Variants in CD83 observed in about 807,000 individuals in gnomAD.
CD83 encodes the protein CD83 antigen.
A neutral mutation model predicts 24.6 loss-of-function variants in CD83; 22 were observed. The observed-to-expected ratio is 0.90, with a 90% CI of 0.64 to 1.28. CD83 has a LOEUF of 1.28. Ranked by LOEUF, CD83 falls within the 50% of genes most tolerant of loss-of-function variation. CD83 has a pLI of 0.00. For synonymous variants in CD83, 101 were observed against 103.5 expected (o/e 0.98, Z 0.14); for missense variants, 253 against 252.8 (o/e 1.00, Z -0.01).
chr6:14,132,949 G>C (rs913887376), intron 3 of CD83, among the ~76,000 whole-genome samples: 2 of 152,188 alleles, frequency 1.3e-5, no homozygotes, highest in Non-Finnish European at 2.9e-5. Flanking sequence ...GTGGGGAGAG[G>C]CACCTCCCTT....
intron 2 of CD83, among the ~76,000 whole-genome samples, chr6:14,128,970 A>G (rs2113397960): frequency 6.6e-6 from 1 of 152,318 alleles, no homozygotes; most frequent in South Asian, 2.1e-4. Flanking sequence ...TAACACAATA[A>G]TGGGGCCATC....
At chr6:14,130,725 C>G (rs1218206639) in intron 2 of CD83, among the ~76,000 whole-genome samples, 2 of 151,994 alleles carry the variant, frequency 1.3e-5, no homozygotes, top group African/African-American at 4.8e-5. Flanking sequence ...AGAGCGAGAC[C>G]CTGTCTCAAA....
intron 3 of CD83, 69 bp from the exon 4 acceptor site, chr6:14,133,580 T>C: frequency 9.6e-7 from 1 of 1,042,946 alleles, no homozygotes; most frequent in Non-Finnish European, 1.5e-6. Flanking sequence ...GAACAAAGCA[T>C]TCTTAGCTTT....
chr6:14,132,987 G>A (rs1382813524), intron 3 of CD83, among the ~76,000 whole-genome samples: 2 of 152,224 alleles, frequency 1.3e-5, no homozygotes, highest in Non-Finnish European at 2.9e-5. Flanking sequence ...TAAAGGCCTC[G>A]CTGCTCTTAC....
At position 14,129,434 on chromosome 6, in the gene CD83, C is replaced by T. The variant is rs1759896752; in HGVS notation, c.154-2086C>T. 6.6e-6 allele frequency among the ~76,000 whole-genome samples: 1 copy of T among 152,184 alleles called. No homozygotes were observed. Among genetic ancestry groups the T allele is most frequent in the Admixed American group, 6.5e-5 (1 of 15,276 alleles). ...TAGGCTTGAAAAGGGAAAAATGGTGCTAAATTAGATGTGTTCTGGAATCAG... is the reference window on the plus strand; with the variant it reads ...TAGGCTTGAAAAGGGAAAAATGGTGTTAAATTAGATGTGTTCTGGAATCAG... On this transcript the variant is annotated intron_variant, in intron 2 of 4. Transcript: ENST00000379153. This position sits in a 1 kb window ranked among gnomAD's most constrained non-coding sequence, Gnocchi z 4.3.
At chr6:14,132,900 A>G (rs1757948058) in intron 3 of CD83, among the ~76,000 whole-genome samples, 1 of 152,218 alleles carries the variant, frequency 6.6e-6, no homozygotes, top group Non-Finnish European at 1.5e-5. Flanking sequence ...CCAAAGCTCA[A>G]CTTGCTTCCC....
At chr6:14,120,772 A>G (rs1411914533) in intron 2 of CD83, among the ~76,000 whole-genome samples, 1 of 152,246 alleles carries the variant, frequency 6.6e-6, no homozygotes, top group African/African-American at 2.4e-5. Flanking sequence ...GATACTTGTA[A>G]TTAACAAAAG....
At position 14,128,796 on chromosome 6, in the gene CD83, G is replaced by A. The variant is rs527472561; in HGVS notation, c.154-2724G>A. 9.2e-5 allele frequency among the ~76,000 whole-genome samples: 14 copies of A among 152,170 alleles called. No homozygotes were observed. In the South Asian group the frequency reaches 1.7e-3, roughly 18 times the overall value. ...GTTTTGCCATTTAAAAATAACTAGC[G>A]GCCCACTGACGGTTTTGCCAGAGGC... On this transcript the variant is annotated intron_variant, in intron 2 of 4. Coordinates refer to ENST00000379153, the MANE Select transcript of CD83 (RefSeq NM_004233.4).
intron 2 of CD83, among the ~76,000 whole-genome samples, chr6:14,125,371 A>G (rs976084920): frequency 3.3e-5 from 5 of 152,208 alleles, no homozygotes; most frequent in African/African-American, 1.2e-4. Context: ...ACAGAGTTGG[A>G]CAAGTTGCAC....
At chr6:14,124,874 CTT>C (rs1759748723) in intron 2 of CD83, among the ~76,000 whole-genome samples, 1 of 152,062 alleles carries the variant, frequency 6.6e-6, no homozygotes, top group South Asian at 2.1e-4. Flanking sequence ...GAAATAGAGT[CTT>C]TGCAAATGTA....
chr6:14,128,415 G>A (rs1186855705), intron 2 of CD83, among the ~76,000 whole-genome samples: 3 of 152,102 alleles, frequency 2.0e-5, no homozygotes, highest in Non-Finnish European at 4.4e-5. Context: ...CACAGCTGGG[G>A]GTCACAAGAG....
intron 2 of CD83, among the ~76,000 whole-genome samples, chr6:14,121,595 T>A (rs918807786): frequency 1.6e-5 from 2 of 122,588 alleles, no homozygotes; most frequent in African/African-American, 6.6e-5. Context: ...GCCTGGGCAA[T>A]GCAGTGAGAC....
Position 14,135,539 on chromosome 6 carries a change from G to A in CD83, c.*303G>A, listed in dbSNP as rs1361166369. On this transcript the variant is annotated 3_prime_UTR_variant, in exon 5 of 5. Coordinates refer to ENST00000379153, the MANE Select transcript of CD83 (RefSeq NM_004233.4). ...AGTCATATAAAAGCTATGGTGAGAT[G>A]CAGCTGGAAAAGGGTCTTGGGAAAT... is the stretch of plus-strand genomic sequence containing the variant. The A allele has an allele frequency of 7.0e-6, 2 of 285,444 alleles. No individual in the cohort carries two copies. Among genetic ancestry groups the A allele is most frequent in the African/African-American group, 4.3e-5 (2 of 46,924 alleles). 17.7% of individuals were successfully genotyped at this position (285,444 alleles called of 1,614,324 possible).
chr6:14,126,366 A>G (rs1267438706), intron 2 of CD83, among the ~76,000 whole-genome samples: 1 of 152,198 alleles, frequency 6.6e-6, no homozygotes, highest in Non-Finnish European at 1.5e-5. Flanking sequence ...ATACATCATC[A>G]TAAGTATCTT....
intron 3 of CD83, among the ~76,000 whole-genome samples, chr6:14,132,750 A>T (rs1002798756): frequency 1.3e-5 from 2 of 152,184 alleles, no homozygotes; most frequent in African/African-American, 4.8e-5. Context: ...TGCTGCACAA[A>T]ATGTCGAATC....
In CD83 at chr6:14,135,403, G is replaced by T; in HGVS notation, c.*167G>T. ...GATCCCACCCCATTTTCTGTGGGCA[G>T]GCCTCGAAAACCATCACATGACCAC... is the stretch of plus-strand genomic sequence containing the variant. On this transcript the variant is annotated 3_prime_UTR_variant, in exon 5 of 5. Transcript: ENST00000379153. 1.4e-6 allele frequency: 1 copy of T among 718,484 alleles called. No homozygotes were observed. 44.5% of individuals were successfully genotyped at this position (718,484 alleles called of 1,614,324 possible).
intron 2 of CD83, among the ~76,000 whole-genome samples, chr6:14,125,385 C>G (rs1420901639): frequency 2.0e-5 from 3 of 152,228 alleles, no homozygotes; most frequent in Non-Finnish European, 4.4e-5. Flanking sequence ...GTTGCACATC[C>G]TTTATCTGAA....
chr6:14,122,776 A>T (rs1365139172), intron 2 of CD83, among the ~76,000 whole-genome samples: 1 of 152,262 alleles, frequency 6.6e-6, no homozygotes, highest in African/African-American at 2.4e-5. Context: ...TTACACTTTC[A>T]TTGTTTAGTA....
chr6:14,131,540 G>C lies in CD83; in HGVS notation c.174G>C (p.Glu58Asp), dbSNP rs753290670. The C allele has an allele frequency of 1.9e-6, 3 of 1,614,074 alleles. No homozygotes were observed. The South Asian group carries it at 3.3e-5, about 18-fold the overall frequency. ...CACAGTTATTGGAGGGTGGTGAAGA[G>C]AGGATGGAGACACCCCAGGAAGACC... ...SWVKLLEGGE[E>D]RMETPQEDHL... The change falls in exon 3 of 5, where the codon GAG becomes GAC. Residue 58 changes from glutamate to aspartate, a missense_variant. Glu to Asp is a conservative substitution (Grantham distance 45, BLOSUM62 2). Coordinates refer to ENST00000379153, the MANE Select transcript of CD83 (RefSeq NM_004233.4).
Sources: gnomAD v4.1 joint callset for allele counts (sites outside exome capture counted in the v4.1 genomes callset) on GRCh38, gnomAD v4.1.1 for gene constraint, Gnocchi (gnomAD v3.1) non-coding constraint, MANE v1.5 for transcripts, NCBI Gene and HGNC (gene_info 2026-07-23, HGNC 2026-07-21) for gene names.